Variants in BRI3 observed in about 807,000 individuals in gnomAD.
BRI3 encodes membrane protein BRI3.
A neutral mutation model predicts 12.8 loss-of-function variants in BRI3; 6 were observed. The observed-to-expected ratio is 0.47, with a 90% confidence interval of 0.26 to 0.93. BRI3 has a LOEUF of 0.93. Ranked by LOEUF, BRI3 falls within the 40% of genes least tolerant of loss-of-function variation. The pLI is 0.15. For synonymous variants in BRI3, 91 were observed against 76.1 expected (o/e 1.20, Z -1.02); for missense variants, 134 against 171.1 (o/e 0.78, Z 1.21).
At chr7:98,296,010 C>T (rs941002696), downstream of BRI3, among the ~76,000 whole-genome samples, 7 of 152,162 alleles carry the variant, frequency 4.6e-5, no homozygotes, top group South Asian at 2.1e-4. Flanking sequence ...CCATGGGCAC[C>T]GAGACACTCG....
chr7:98,299,862 G>A (rs1454267959), intron 1 of BRI3, among the ~76,000 whole-genome samples: 2 of 151,928 alleles, frequency 1.3e-5, no homozygotes, highest in South Asian at 2.1e-4. Context: ...CCAACATGGT[G>A]AAACCCCGTA....
At chr7:98,282,710 C>T (rs1799567725) in intron 2 of BRI3, 1 of 461,000 alleles carries the variant, frequency 2.2e-6, no homozygotes, top group Non-Finnish European at 3.9e-6. Context: ...GCATTGCACC[C>T]CAAGTGATTG....
At chr7:98,304,568 G>A (rs1046624074), upstream of BRI3, among the ~76,000 whole-genome samples, 4 of 151,916 alleles carry the variant, frequency 2.6e-5, no homozygotes, top group East Asian at 1.9e-4. Context: ...ATTTTTTTGC[G>A]ACAGAGTCTC....
intron 1 of BRI3, chr7:98,307,442 AACT>A (rs1362658675): frequency 9.5e-6 from 13 of 1,364,984 alleles, no homozygotes; most frequent in Admixed American, 6.2e-5. Context: ...AGAATGTTTA[AACT>A]ACTTTCAGAC....
upstream of BRI3, among the ~76,000 whole-genome samples, chr7:98,303,256 AC>A (rs1265910506): frequency 1.3e-5 from 2 of 152,104 alleles, no homozygotes; most frequent in Non-Finnish European, 2.9e-5. Context: ...AAGACACTCC[AC>A]ACCTGGGCAC....
chr7:98,318,595 C>A, the BRI3 span, among the ~76,000 whole-genome samples: 1 of 150,906 alleles, frequency 6.6e-6, no homozygotes, highest in Non-Finnish European at 1.5e-5. Flanking sequence ...GGGTCTTAAA[C>A]GGACCCGCGT....
Position 98,288,790 on chromosome 7 carries a change from G to GTTGGAGGGGGGT in BRI3, c.246-2321_246-2320insTTGGAGGGGGGT, listed in dbSNP as rs1554407364. Among the ~76,000 whole-genome samples, 4 of 151,780 alleles carry GTTGGAGGGGGGT rather than the reference G, an allele frequency of 2.6e-5. No homozygotes were observed. The East Asian group carries it at 5.8e-4, about 22-fold the overall frequency. On this transcript the variant is annotated intron_variant, in intron 2 of 2. Transcript: ENST00000297290. ...GCTAATTTTAAATTTTTGTAGGGAGGGGTCTTTGTTGCCCAGGCTGGTTTT... is the reference window on the plus strand; with the variant it reads ...GCTAATTTTAAATTTTTGTAGGGAGGTTGGAGGGGGGTGGTCTTTGTTGCCCAGGCTGGTTTT...
intron 1 of BRI3, among the ~76,000 whole-genome samples, chr7:98,300,517 T>A (rs1800378118): frequency 6.6e-6 from 1 of 152,196 alleles, no homozygotes; most frequent in Non-Finnish European, 1.5e-5. Context: ...GAAAGCGTAC[T>A]GATGTGGAGG....
chr7:98,305,040 G>GTT (rs1386050479), upstream of BRI3, among the ~76,000 whole-genome samples: 31 of 87,122 alleles, frequency 3.6e-4, no homozygotes, highest in South Asian at 3.1e-3. Flanking sequence ...TAATTTTTTT[G>GTT]TTTTTTGTTT....
At chr7:98,282,513 C>T in intron 2 of BRI3, 60 bp downstream of exon 2, 1 of 1,389,556 alleles carries the variant, frequency 7.2e-7, no homozygotes, top group Non-Finnish European at 1.0e-6. Context: ...CCGCCCTAAC[C>T]CCCAGGACCT....
intron 2 of BRI3, among the ~76,000 whole-genome samples, chr7:98,284,742 G>A (rs1270821390): frequency 2.6e-5 from 4 of 152,188 alleles, no homozygotes; most frequent in African/African-American, 4.8e-5. Flanking sequence ...CCAGGCCTTC[G>A]CTGAAGCTGC....
chr7:98,288,788 A>AGGTTGGAGTGGG (rs11275179), intron 2 of BRI3, among the ~76,000 whole-genome samples: 9 of 150,564 alleles, frequency 6.0e-5, no homozygotes, highest in African/African-American at 1.2e-4. Flanking sequence ...TTTTGTAGGG[A>AGGTTGGAGTGGG]GGGGTCTTTG....
chr7:98,298,743 T>TA (rs1263605031), intron 1 of BRI3, among the ~76,000 whole-genome samples: 10 of 152,196 alleles, frequency 6.6e-5, no homozygotes, highest in Non-Finnish European at 1.3e-4. Flanking sequence ...AAAGCTAAGT[T>TA]ATTAATCGAG....
intron 2 of BRI3, among the ~76,000 whole-genome samples, chr7:98,290,212 G>A (rs1378548265): frequency 8.8e-4 from 112 of 127,886 alleles, no homozygotes; most frequent in Non-Finnish European, 1.6e-3. Flanking sequence ...TTTTTGAGAC[G>A]GAGTCTCGCT....
downstream of BRI3, chr7:98,291,598 C>G: frequency 2.1e-6 from 2 of 974,994 alleles, no homozygotes; most frequent in Non-Finnish European, 2.5e-6. Flanking sequence ...ATCGCTCCCC[C>G]GGCCAGTCCT....
downstream of BRI3, chr7:98,312,159 G>A: frequency 3.1e-6 from 5 of 1,613,958 alleles, no homozygotes; most frequent in Non-Finnish European, 4.2e-6. Flanking sequence ...GTAGAGGCTG[G>A]GGTCTTTATT....
At chr7:98,292,916 A>G (rs972891892), downstream of BRI3, 30 of 1,402,552 alleles carry the variant, frequency 2.1e-5, no homozygotes, top group African/African-American at 3.8e-4. Flanking sequence ...TGATAAGGGC[A>G]GGCAAAGCGT....
In BRI3 at chr7:98,281,836, A is replaced by G. The variant is rs1799526228; in HGVS notation, c.41A>G (p.Tyr14Cys). 6 of 1,283,300 alleles carry G rather than the reference A, an allele frequency of 4.7e-6. No individual in the cohort carries two copies. The highest frequency in any genetic ancestry group is 1.6e-5 in the African/African-American group (1 of 63,870). 79.5% of individuals were successfully genotyped at this position (1,283,300 alleles called of 1,614,324 possible). A position where few individuals can be genotyped will look rare whatever the true frequency, so the allele number is the denominator to read the frequency against. ...KPLLQERPPA[Y>C]NLEAGQGDYA... ...CTGCTGCAGGAGCGGCCGCCCGCCT[A>G]CAACCTGGAGGCCGGCCAGGGCGAC... is the stretch of plus-strand genomic sequence containing the variant. Residue 14 changes from tyrosine to cysteine, a missense_variant, in exon 1 of 3, where the codon TAC becomes TGC. Coordinates refer to ENST00000297290, the MANE Select transcript of BRI3 (RefSeq NM_015379.5).
At chr7:98,301,279 G>A (rs971125539) in intron 1 of BRI3, among the ~76,000 whole-genome samples, 2 of 152,176 alleles carry the variant, frequency 1.3e-5, no homozygotes, top group South Asian at 2.1e-4. Flanking sequence ...CCTTCTCATC[G>A]ATTTCAGTGA....
Sources: allele counts gnomAD v4.1 joint callset (sites outside exome capture counted in the v4.1 genomes callset), GRCh38; gene constraint gnomAD v4.1.1; transcripts MANE v1.5; gene names NCBI Gene and HGNC (gene_info 2026-07-23, HGNC 2026-07-21).